Variants in HHLA2 observed in about 807,000 individuals in gnomAD.
HHLA2 encodes HHLA2 member of B7 family.
In HHLA2, 48 loss-of-function variants were observed where a neutral mutation model predicts 45.9. The observed-to-expected ratio is 1.05, with a 90% CI of 0.83 to 1.33. The LOEUF is 1.33. Among genes scored for constraint, HHLA2 ranks in the 40% most tolerant of loss-of-function variants. The pLI, the probability that HHLA2 is intolerant of heterozygous loss-of-function variation, is 0.00. For missense variants in HHLA2, 462 were observed against 494.3 expected (o/e 0.93, Z 0.62); for synonymous variants, 161 against 173.9 (o/e 0.93, Z 0.59).
intron 2 of HHLA2, among the ~76,000 whole-genome samples, chr3:108,321,649 A>G (rs2081204506): frequency 6.6e-6 from 1 of 152,036 alleles, no homozygotes; most frequent in Non-Finnish European, 1.5e-5. Flanking sequence ...GCTTTCATCC[A>G]CCACTTTTAT....
chr3:108,343,342 G>T (rs749784067), intron 3 of HHLA2, among the ~76,000 whole-genome samples: 11 of 152,186 alleles, frequency 7.2e-5, no homozygotes, highest in Non-Finnish European at 1.6e-4. Flanking sequence ...AAGCCAGCAT[G>T]ATAACCACTG....
chr3:108,357,671 GT>G (rs2081918742), intron 6 of HHLA2, among the ~76,000 whole-genome samples, 172 bp from the exon 6 acceptor site: 1 of 152,120 alleles, frequency 6.6e-6, no homozygotes, highest in African/African-American at 2.4e-5. Context: ...TAAAATAGTG[GT>G]AGTAAAACTT....
chr3:108,338,176 T>C (rs1463139589), intron 3 of HHLA2, among the ~76,000 whole-genome samples: 3 of 151,708 alleles, frequency 2.0e-5, no homozygotes, highest in Admixed American at 6.6e-5. Context: ...CATAGATATA[T>C]AGATTTGATA....
intron 2 of HHLA2, among the ~76,000 whole-genome samples, chr3:108,314,866 C>A (rs1280391716): frequency 6.6e-6 from 1 of 152,206 alleles, no homozygotes; most frequent in African/African-American, 2.4e-5. Flanking sequence ...GCTCTCACTG[C>A]TTCCTGCTGA....
At chr3:108,338,577 T>C (rs1402885445) in intron 3 of HHLA2, among the ~76,000 whole-genome samples, 1 of 152,228 alleles carries the variant, frequency 6.6e-6, no homozygotes, top group Non-Finnish European at 1.5e-5. Context: ...GTTCTCTTTG[T>C]GTGGCAGGAA....
intron 3 of HHLA2, among the ~76,000 whole-genome samples, chr3:108,331,443 T>C (rs1331674433): frequency 6.6e-6 from 1 of 152,222 alleles, no homozygotes; most frequent in Non-Finnish European, 1.5e-5. Context: ...CAGAACCATT[T>C]GAAAGTAAGT....
At position 108,340,950 on chromosome 3, in the gene HHLA2, T is replaced by TCC. The variant is rs1189247407; in HGVS notation, c.-26-10838_-26-10837insCC. Among the ~76,000 whole-genome samples, 124 of 115,748 alleles carry TCC rather than the reference T, an allele frequency of 1.1e-3. 9 individuals carry two copies. The Middle Eastern group carries it at 0.018, about 17-fold the overall frequency. 75.9% of individuals were successfully genotyped at this position (115,748 alleles called of 152,430 possible). ...TTCCTTCCTTCCTTCCTTCCTTCCT[T>TCC]TCTTTCTTTCTTTTCTTTCTTTCAT... On this transcript the variant is annotated intron_variant, in intron 3 of 10. Coordinates refer to ENST00000619531, the Ensembl canonical transcript of HHLA2.
intron 2 of HHLA2, chr3:108,326,036 C>A: frequency 3.3e-6 from 1 of 302,980 alleles, no homozygotes; most frequent in Non-Finnish European, 6.4e-6. Context: ...GCCACTGCCT[C>A]AGTCAGTCAT....
At chr3:108,353,653 T>C in exon 5 of HHLA2, 4 of 1,613,670 alleles carry the variant, frequency 2.5e-6, no homozygotes, top group Non-Finnish European at 3.4e-6. Context: ...TTTTCTATAA[T>C]GAGATTCAAA....
chr3:108,370,796 G>A (rs916149230), intron 8 of HHLA2, among the ~76,000 whole-genome samples: 16 of 152,170 alleles, frequency 1.1e-4, no homozygotes, highest in African/African-American at 3.9e-4. Context: ...TAAAAGAAAT[G>A]AACAAAGCCT....
chr3:108,308,103 A>G (rs894584792), intron 1 of HHLA2, among the ~76,000 whole-genome samples: 2 of 152,114 alleles, frequency 1.3e-5, no homozygotes, highest in Admixed American at 6.6e-5. Flanking sequence ...AATAGGTCTT[A>G]TTGATTCTTT....
In HHLA2 at chr3:108,301,562, A is replaced by G. The variant is rs180718179; in HGVS notation, c.-192+4963A>G. On this transcript the variant is annotated intron_variant, in intron 1 of 10. Coordinates refer to ENST00000619531, the Ensembl canonical transcript of HHLA2. The stretch of plus-strand genomic sequence containing the variant: ...CCACAATTTTCCTCCCCTGCCCCCA[A>G]TTATTTCAATTGTCCTTGTCTCTTA... Among the ~76,000 whole-genome samples, 3 of 151,934 alleles carry G rather than the reference A, an allele frequency of 2.0e-5. No homozygotes were observed. The East Asian group carries it at 5.8e-4, about 29-fold the overall frequency.
In HHLA2 at chr3:108,337,644, C is replaced by T. The variant is rs1232028717; in HGVS notation, c.-27+9297C>T. Among the ~76,000 whole-genome samples the T allele has an allele frequency of 3.3e-5, 5 of 152,060 alleles. No individual in the cohort carries two copies. The East Asian group carries it at 9.6e-4, about 29-fold the overall frequency. Reference sequence around the variant, plus strand: ...CTTTCCCAAGAGTGGAAATACATAACGAAAGCTCACCCTCCCCAGAAACTT... The same window carrying T: ...CTTTCCCAAGAGTGGAAATACATAATGAAAGCTCACCCTCCCCAGAAACTT... On this transcript the variant is annotated intron_variant, in intron 3 of 10. Transcript: ENST00000619531.
chr3:108,335,570 T>G (rs1486164428), intron 3 of HHLA2, among the ~76,000 whole-genome samples: 1 of 152,178 alleles, frequency 6.6e-6, no homozygotes, highest in African/African-American at 2.4e-5. Flanking sequence ...AACAAGTTCT[T>G]GGGCATGTTG....
intron 3 of HHLA2, among the ~76,000 whole-genome samples, chr3:108,340,275 T>C (rs1157741040): frequency 6.6e-6 from 1 of 152,160 alleles, no homozygotes; most frequent in Non-Finnish European, 1.5e-5. Flanking sequence ...AGTAAGAGAT[T>C]GGAAGCCAAT....
chr3:108,369,258 A>G (rs1033444337), intron 8 of HHLA2, among the ~76,000 whole-genome samples: 2 of 152,226 alleles, frequency 1.3e-5, no homozygotes, highest in Admixed American at 1.3e-4. Flanking sequence ...CCAAATGCCC[A>G]CATCAGAAAG....
At chr3:108,358,018 G>T (rs748913138) in exon 7 of HHLA2, 489 of 1,613,594 alleles carry the variant, frequency 3.0e-4, no homozygotes, top group Non-Finnish European at 4.0e-4. Context: ...AATGAATCCC[G>T]ATTCTCATGG....
chr3:108,305,937 G>A (rs1288743870), intron 1 of HHLA2, among the ~76,000 whole-genome samples: 1 of 152,168 alleles, frequency 6.6e-6, no homozygotes, highest in African/African-American at 2.4e-5. Context: ...GCAGCCCCAG[G>A]TGCTGCTGTC....
chr3:108,302,203 A>G (rs1220131344), intron 1 of HHLA2, among the ~76,000 whole-genome samples: 1 of 152,174 alleles, frequency 6.6e-6, no homozygotes, highest in African/African-American at 2.4e-5. Flanking sequence ...ATGAGTTTGA[A>G]AGAGAAAATA....
Sources: gnomAD v4.1 joint callset for allele counts (sites outside exome capture counted in the v4.1 genomes callset) on GRCh38, gnomAD v4.1.1 for gene constraint, MANE v1.5 for transcripts, NCBI Gene and HGNC (gene_info 2026-07-23, HGNC 2026-07-21) for gene names.